SH3PXD2A: variants seen among roughly 807,000 people sequenced by gnomAD.
SH3PXD2A encodes SH3 and PX domains 2A.
Under a neutral mutation model 115.2 loss-of-function variants are expected in SH3PXD2A, and 32 were observed. That is an observed-to-expected ratio of 0.28 (90% CI 0.21 to 0.37). SH3PXD2A has a LOEUF of 0.37. Ranked by LOEUF, SH3PXD2A falls within the 10% of genes least tolerant of loss-of-function variation. The pLI is 1.00. For missense variants in SH3PXD2A, 1,328 were observed against 1,498.7 expected, an observed-to-expected ratio of 0.89 and a Z score of 1.88; for synonymous variants, 610 against 629.1, an observed-to-expected ratio of 0.97 and a Z score of 0.45.
intron 5 of SH3PXD2A, among the ~76,000 whole-genome samples, chr10:103,711,820 C>T (rs2038049994): frequency 6.6e-6 from 1 of 152,108 alleles, no homozygotes; most frequent in South Asian, 2.1e-4. Context: ...GTTGGGAAGC[C>T]GAGGCGGGAG....
chr10:103,656,816 G>A (rs2037219143), intron 8 of SH3PXD2A, among the ~76,000 whole-genome samples: 1 of 108,010 alleles, frequency 9.3e-6, no homozygotes, highest in African/African-American at 4.0e-5. Flanking sequence ...CAACAAGAGT[G>A]AAACTCCATC....
chr10:103,800,991 C>T (rs984798125), intron 2 of SH3PXD2A, among the ~76,000 whole-genome samples: 3 of 152,204 alleles, frequency 2.0e-5, no homozygotes, highest in Non-Finnish European at 4.4e-5. Flanking sequence ...CACCTCCCAC[C>T]ATCCTCCCGC....
chr10:103,661,233 G>A (rs2037295918), intron 7 of SH3PXD2A, 119 bp from the exon 8 acceptor site: 2 of 1,232,842 alleles, frequency 1.6e-6, no homozygotes, highest in Non-Finnish European at 2.2e-6. Flanking sequence ...CCGCTCCCAG[G>A]GGCAGCCCGC....
chr10:103,718,981 A>G (rs2038143743), intron 5 of SH3PXD2A, among the ~76,000 whole-genome samples: 1 of 152,190 alleles, frequency 6.6e-6, no homozygotes, highest in Non-Finnish European at 1.5e-5. Flanking sequence ...GAACCCAGAG[A>G]GCTTGTTTCC....
intron 6 of SH3PXD2A, among the ~76,000 whole-genome samples, chr10:103,675,044 T>C (rs1269701029): frequency 1.3e-5 from 2 of 152,162 alleles, no homozygotes; most frequent in South Asian, 2.1e-4. Flanking sequence ...AGCAGCCAGC[T>C]GGTCAGAGAT....
At chr10:103,647,414 GA>G (rs1354585373) in intron 8 of SH3PXD2A, among the ~76,000 whole-genome samples, 1 of 152,182 alleles carries the variant, frequency 6.6e-6, no homozygotes, top group African/African-American at 2.4e-5. Flanking sequence ...GGAGTGGAGA[GA>G]CCAGGGTGTG....
intron 2 of SH3PXD2A, among the ~76,000 whole-genome samples, chr10:103,791,393 G>A (rs2039034902): frequency 6.6e-6 from 1 of 152,168 alleles, no homozygotes; most frequent in South Asian, 2.1e-4. Flanking sequence ...CTCACAGAGC[G>A]AGTCCTCAAC....
intron 2 of SH3PXD2A, among the ~76,000 whole-genome samples, chr10:103,774,588 T>C (rs1425345575): frequency 6.6e-6 from 1 of 152,234 alleles, no homozygotes; most frequent in Non-Finnish European, 1.5e-5. Flanking sequence ...TAATGTTTCA[T>C]TTTATACTTG....
intron 5 of SH3PXD2A, among the ~76,000 whole-genome samples, chr10:103,716,307 T>C (rs2038104435): frequency 6.6e-6 from 1 of 152,098 alleles, no homozygotes. Context: ...CTCTGCCCCA[T>C]GGGGAGTGTT....
intron 1 of SH3PXD2A, among the ~76,000 whole-genome samples, chr10:103,852,852 G>A (rs1159968006): frequency 6.6e-6 from 1 of 151,784 alleles, no homozygotes; most frequent in Non-Finnish European, 1.5e-5. Context: ...TGTCCTCTTA[G>A]CCAAACCCAA....
intron 1 of SH3PXD2A, among the ~76,000 whole-genome samples, chr10:103,830,346 C>T (rs2039471934): frequency 6.6e-6 from 1 of 152,032 alleles, no homozygotes; most frequent in African/African-American, 2.4e-5. Context: ...CTGAATCGGT[C>T]CTTAGGGAGA....
chr10:103,625,013 C>T (rs549900830), intron 9 of SH3PXD2A, among the ~76,000 whole-genome samples: 6 of 152,136 alleles, frequency 3.9e-5, no homozygotes, highest in Non-Finnish European at 8.8e-5. Context: ...CACGCATGCA[C>T]GCGCACACAC....
chr10:103,797,723 TG>T (rs1337914443), intron 2 of SH3PXD2A, among the ~76,000 whole-genome samples: 1 of 4,904 alleles, frequency 2.0e-4, no homozygotes, highest in African/African-American at 8.1e-4. Context: ...TGGGAGGGGG[TG>T]GGGAGTGTGG....
At chr10:103,684,761 G>A (rs1173614350) in intron 6 of SH3PXD2A, among the ~76,000 whole-genome samples, 1 of 152,112 alleles carries the variant, frequency 6.6e-6, no homozygotes, top group Non-Finnish European at 1.5e-5. Context: ...GTGTGCTGCG[G>A]TTCACACCTG....
intron 2 of SH3PXD2A, among the ~76,000 whole-genome samples, chr10:103,796,472 T>C (rs2039089930): frequency 6.6e-6 from 1 of 152,014 alleles, no homozygotes; most frequent in South Asian, 2.1e-4. Flanking sequence ...CCTCTTCATC[T>C]CATAGCATGT....
intron 6 of SH3PXD2A, among the ~76,000 whole-genome samples, chr10:103,677,541 G>C (rs2037554015): frequency 1.3e-5 from 2 of 152,116 alleles, no homozygotes; most frequent in South Asian, 4.1e-4. Flanking sequence ...TTCATTCCTG[G>C]ACTGAGGTTG....
chr10:103,726,209 G>A (rs1564874015), intron 4 of SH3PXD2A, among the ~76,000 whole-genome samples: 3 of 152,138 alleles, frequency 2.0e-5, no homozygotes, highest in Non-Finnish European at 4.4e-5. Flanking sequence ...GATGAGACCT[G>A]GTCTATAAGA....
chr10:103,631,411 T>G (rs1360587935), intron 8 of SH3PXD2A, among the ~76,000 whole-genome samples: 1 of 152,226 alleles, frequency 6.6e-6, no homozygotes, highest in African/African-American at 2.4e-5. Flanking sequence ...CTCAAAATAC[T>G]GTAATATTTT....
At chr10:103,646,733 C>T (rs546751961) in intron 8 of SH3PXD2A, among the ~76,000 whole-genome samples, 3 of 152,324 alleles carry the variant, frequency 2.0e-5, no homozygotes, top group Admixed American at 6.5e-5. Context: ...TGGCATACAG[C>T]AGGAGATAAA....
Sources: gnomAD v4.1 joint callset for allele counts (sites outside exome capture counted in the v4.1 genomes callset) on GRCh38, gnomAD v4.1.1 for gene constraint, MANE v1.5 for transcripts, NCBI Gene and HGNC (gene_info 2026-07-23, HGNC 2026-07-21) for gene names.